SAMD12: variants seen among roughly 807,000 people sequenced by gnomAD.
SAMD12 encodes sterile alpha motif domain-containing protein 12.
Under a neutral mutation model 15.0 loss-of-function variants are expected in SAMD12, and 9 were observed. The observed-to-expected ratio is 0.60, with a 90% CI of 0.36 to 1.05. The LOEUF is 1.05. Among genes scored for constraint, SAMD12 ranks in the 50% least tolerant of loss-of-function variants. The pLI is 0.01. For synonymous variants in SAMD12, 86 were observed against 90.1 expected (o/e 0.96, Z 0.25); for missense variants, 230 against 234.2 (o/e 0.98, Z 0.12).
At chr8:118,213,347 C>A (rs550454882) in intron 4 of SAMD12, among the ~76,000 whole-genome samples, 1 of 152,260 alleles carries the variant, frequency 6.6e-6, no homozygotes, top group Non-Finnish European at 1.5e-5. Flanking sequence ...TTTCTTCCTC[C>A]TTTGAACCTA....
chr8:118,212,940 T>C (rs1811870094), intron 4 of SAMD12, among the ~76,000 whole-genome samples: 1 of 152,182 alleles, frequency 6.6e-6, no homozygotes, highest in South Asian at 2.1e-4. Context: ...AGAGCATATA[T>C]CATGGATCTT....
At chr8:118,474,890 T>C (rs1823908651) in intron 2 of SAMD12, among the ~76,000 whole-genome samples, 1 of 152,164 alleles carries the variant, frequency 6.6e-6, no homozygotes, top group Non-Finnish European at 1.5e-5. Context: ...GATGCTGTCT[T>C]TGCAGTAATG....
intron 2 of SAMD12, among the ~76,000 whole-genome samples, chr8:118,568,663 T>C (rs1826918663): frequency 6.6e-6 from 1 of 152,234 alleles, no homozygotes. Flanking sequence ...TGGGACTGTT[T>C]CAATGAAACT....
At chr8:118,451,967 T>C (rs555228180) in intron 2 of SAMD12, among the ~76,000 whole-genome samples, 3 of 152,294 alleles carry the variant, frequency 2.0e-5, no homozygotes, top group African/African-American at 7.2e-5. Context: ...AAGTCCCAAC[T>C]TGTATTCCAA....
chr8:118,183,270 C>G, the SAMD12 span, among the ~76,000 whole-genome samples: 1 of 152,332 alleles, frequency 6.6e-6, no homozygotes, highest in African/African-American at 2.4e-5. Flanking sequence ...ATTTCTTCTT[C>G]TATCATATCT....
At chr8:118,619,563 A>G (rs992483604) in intron 1 of SAMD12, among the ~76,000 whole-genome samples, 8 of 151,780 alleles carry the variant, frequency 5.3e-5, no homozygotes, top group South Asian at 2.1e-4. Context: ...AGAAAGCCCC[A>G]TGTACCCTTA....
intron 4 of SAMD12, among the ~76,000 whole-genome samples, chr8:118,325,170 C>T (rs1816507941): frequency 6.6e-6 from 1 of 152,202 alleles, no homozygotes; most frequent in South Asian, 2.1e-4. Flanking sequence ...AAGCTATTTG[C>T]TGCTAAACAG....
At chr8:118,544,517 G>A (rs367689926) in intron 2 of SAMD12, among the ~76,000 whole-genome samples, 20 of 152,122 alleles carry the variant, frequency 1.3e-4, no homozygotes, top group Non-Finnish European at 2.2e-4. Flanking sequence ...TTAGATTTGC[G>A]AGGGCTGAAA....
chr8:118,165,752 T>C, the SAMD12 span, among the ~76,000 whole-genome samples: 1 of 151,528 alleles, frequency 6.6e-6, no homozygotes, highest in African/African-American at 2.4e-5. Flanking sequence ...CTTATTATAA[T>C]CCTTTAGACC....
intron 2 of SAMD12, among the ~76,000 whole-genome samples, chr8:118,538,254 C>T (rs1825901487): frequency 6.6e-6 from 1 of 152,130 alleles, no homozygotes; most frequent in Non-Finnish European, 1.5e-5. Flanking sequence ...CCCTTGGCTG[C>T]CTCAGCTATT....
At chr8:118,284,899 A>C (rs139930001) in intron 4 of SAMD12, 2 of 143,176 alleles carry the variant, frequency 1.4e-5, no homozygotes, top group Non-Finnish European at 3.0e-5. Context: ...CAGACATGGC[A>C]CCACTGCACC....
chr8:118,577,486 T>C (rs1827182574), intron 2 of SAMD12, among the ~76,000 whole-genome samples: 1 of 152,152 alleles, frequency 6.6e-6, no homozygotes, highest in African/African-American at 2.4e-5. Flanking sequence ...ATTAAGCTCC[T>C]CTGGAACAGG....
At chr8:118,134,545 C>G in the SAMD12 span, among the ~76,000 whole-genome samples, 3 of 152,188 alleles carry the variant, frequency 2.0e-5, no homozygotes, top group Non-Finnish European at 2.9e-5. Context: ...GTGAAACATG[C>G]AGATTTTCAG....
intron 4 of SAMD12, among the ~76,000 whole-genome samples, chr8:118,333,554 G>GT (rs11459780): frequency 0.35 from 50,818 of 145,612 alleles, 8,903 homozygotes; most frequent in African/African-American, 0.4. Context: ...TGATTCTTTT[G>GT]TTTTTTTTTT....
chr8:118,293,358 G>A (rs1244580467), intron 4 of SAMD12, among the ~76,000 whole-genome samples: 1 of 152,220 alleles, frequency 6.6e-6, no homozygotes, highest in Admixed American at 6.5e-5. Context: ...CATGATGACT[G>A]AAGGGAAAGT....
At chr8:118,276,322 T>C (rs1231410454) in intron 4 of SAMD12, among the ~76,000 whole-genome samples, 1 of 152,238 alleles carries the variant, frequency 6.6e-6, no homozygotes, top group Non-Finnish European at 1.5e-5. Context: ...AATTCAACAT[T>C]ATAGTTGCCT....
At chr8:118,509,452 G>A (rs528486284) in intron 2 of SAMD12, among the ~76,000 whole-genome samples, 11 of 152,064 alleles carry the variant, frequency 7.2e-5, no homozygotes, top group Non-Finnish European at 1.0e-4. Context: ...CCACTTCCCC[G>A]AGAAACAGAA....
At chr8:118,136,167 T>A in the SAMD12 span, among the ~76,000 whole-genome samples, 2 of 152,156 alleles carry the variant, frequency 1.3e-5, no homozygotes, top group African/African-American at 4.8e-5. Flanking sequence ...GTAGCTGGGA[T>A]TACAGGTGTG....
chr8:118,175,037 A>C, the SAMD12 span, among the ~76,000 whole-genome samples: 1,540 of 139,840 alleles, frequency 0.011, 31 homozygotes, highest in African/African-American at 0.042. Flanking sequence ...AAAAAAACAA[A>C]AAAAAAAAAA....
Sources: gnomAD v4.1 joint callset for allele counts (sites outside exome capture counted in the v4.1 genomes callset) on GRCh38, gnomAD v4.1.1 for gene constraint, MANE v1.5 for transcripts, NCBI Gene and HGNC (gene_info 2026-07-23, HGNC 2026-07-21) for gene names.